The following TENM1 variants were observed in gnomAD, a reference collection of about 807,000 sequenced individuals.
TENM1 encodes teneurin-1.
A neutral mutation model predicts 174.8 loss-of-function variants in TENM1; 35 were observed. The ratio of observed to expected loss-of-function variants is 0.20; its 90% CI spans 0.15 to 0.27. The LOEUF (loss-of-function observed/expected upper bound fraction) is 0.27, where lower values mean the gene tolerates loss of function less well. Among genes scored for constraint, TENM1 ranks in the 10% least tolerant of loss-of-function variants. TENM1 has a pLI of 1.00. For missense variants in TENM1, 1,633 were observed against 2,130.1 expected (o/e 0.77, Z 4.59); for synonymous variants, 781 against 798.7 (o/e 0.98, Z 0.37).
At chrX:124,506,159 T>G (rs762818539) in intron 18 of TENM1, among the ~76,000 whole-genome samples, 1 of 111,998 alleles carries the variant, frequency 8.9e-6, no homozygotes, top group South Asian at 3.7e-4. Flanking sequence ...TTCTGTACAT[T>G]GTAAGTCTGG....
intron 11 of TENM1, among the ~76,000 whole-genome samples, chrX:124,597,711 C>A (rs1050703218): frequency 6.3e-5 from 7 of 111,305 alleles, no homozygotes; most frequent in African/African-American, 2.3e-4. Context: ...CTATCTCTCA[C>A]CATGTACAAA....
chrX:124,915,603 A>G (rs1254147792), intron 1 of TENM1, among the ~76,000 whole-genome samples: 1 of 112,534 alleles, frequency 8.9e-6, no homozygotes, highest in Non-Finnish European at 1.9e-5. Context: ...TATCCAAAAA[A>G]CTTTGCACAC....
intron 11 of TENM1, among the ~76,000 whole-genome samples, chrX:124,571,291 T>C (rs936269791): frequency 6.2e-5 from 7 of 112,187 alleles, no homozygotes; most frequent in Non-Finnish European, 3.8e-5. Flanking sequence ...GAATTAGAAA[T>C]TGAGTAACAA....
At chrX:124,517,556 G>A (rs961483430) in intron 18 of TENM1, among the ~76,000 whole-genome samples, 4 of 105,372 alleles carry the variant, frequency 3.8e-5, no homozygotes, top group African/African-American at 1.4e-4. Flanking sequence ...GCAAACTATC[G>A]CAAGGACAAA....
chrX:124,656,481 A>G (rs950019360), intron 6 of TENM1, among the ~76,000 whole-genome samples: 2 of 112,508 alleles, frequency 1.8e-5, no homozygotes, highest in African/African-American at 6.5e-5. Flanking sequence ...CAGAGATGAC[A>G]ACATACGAAT....
intron 1 of TENM1, among the ~76,000 whole-genome samples, chrX:124,924,731 A>G (rs1324920621): frequency 9.0e-6 from 1 of 111,677 alleles, no homozygotes; most frequent in Non-Finnish European, 1.9e-5. Flanking sequence ...TGAAAATTTA[A>G]CCAAAGAAAT....
intron 25 of TENM1, among the ~76,000 whole-genome samples, chrX:124,415,447 C>T (rs1450352931): frequency 1.8e-5 from 2 of 111,379 alleles, no homozygotes; most frequent in African/African-American, 6.5e-5. Context: ...GCTACCTATT[C>T]CTCTTTTACT....
At chrX:125,144,888 C>T in the TENM1 span, among the ~76,000 whole-genome samples, 1 of 110,477 alleles carries the variant, frequency 9.1e-6, no homozygotes, top group East Asian at 2.8e-4. Flanking sequence ...CAGGCATCCC[C>T]TCCCCCACCA....
At chrX:124,831,495 G>C (rs960573229) in intron 3 of TENM1, among the ~76,000 whole-genome samples, 1 of 112,037 alleles carries the variant, frequency 8.9e-6, no homozygotes. Flanking sequence ...TGTTATGTAA[G>C]GAAATTCACT....
the TENM1 span, among the ~76,000 whole-genome samples, chrX:125,081,545 C>T: frequency 1.8e-5 from 2 of 111,091 alleles, no homozygotes; most frequent in African/African-American, 6.5e-5. Flanking sequence ...CTCTTTCCCT[C>T]CTATCTCACA....
intron 23 of TENM1, among the ~76,000 whole-genome samples, chrX:124,441,121 A>G (rs1330996322): frequency 8.9e-6 from 1 of 111,800 alleles, no homozygotes; most frequent in Non-Finnish European, 1.9e-5. Context: ...CCCACTTTTT[A>G]TTGGTGGAGA....
At chrX:124,506,667 C>T (rs142087877) in intron 18 of TENM1, among the ~76,000 whole-genome samples, 1 of 111,116 alleles carries the variant, frequency 9.0e-6, no homozygotes, top group East Asian at 2.9e-4. Context: ...GCTCCTTGCT[C>T]AGGGTAACAA....
At chrX:124,973,759 G>A in the TENM1 span, among the ~76,000 whole-genome samples, 6 of 111,142 alleles carry the variant, frequency 5.4e-5, no homozygotes, top group African/African-American at 1.6e-4. Flanking sequence ...ATCCTGAGAC[G>A]TTGCTGAAGT....
intron 3 of TENM1, among the ~76,000 whole-genome samples, chrX:124,892,083 T>C (rs1264606113): frequency 1.8e-5 from 2 of 111,631 alleles, no homozygotes; most frequent in African/African-American, 3.3e-5. Flanking sequence ...AAAAATGACA[T>C]AGAATAAAGC....
At chrX:125,177,197 C>T in the TENM1 span, among the ~76,000 whole-genome samples, 22 of 112,241 alleles carry the variant, frequency 2.0e-4, no homozygotes, top group African/African-American at 6.8e-4. Context: ...AACCAGTGAT[C>T]TATTACACAC....
the TENM1 span, among the ~76,000 whole-genome samples, chrX:125,123,729 A>G: frequency 1.8e-5 from 2 of 112,731 alleles, no homozygotes; most frequent in African/African-American, 3.2e-5. Flanking sequence ...AAACAACATT[A>G]ATAAACACAA....
At position 124,940,970 on chromosome X, in the gene TENM1, G is replaced by T. The variant is rs372425015; in HGVS notation, c.217+22567C>A. Among the ~76,000 whole-genome samples, 6 of 111,175 alleles carry T rather than the reference G, an allele frequency of 5.4e-5. No individual in the cohort carries two copies. The East Asian group carries it at 1.4e-3, about 26-fold the overall frequency. On this transcript the variant is annotated intron_variant, in intron 1 of 31. Coordinates refer to ENST00000422452, the Ensembl canonical transcript of TENM1. ...TTTATTCATTGCCACTGTGGGAGGG[G>T]CAGGACTAGGTTAATGTACATGCTT... is the stretch of plus-strand genomic sequence containing the variant.
At chrX:124,660,115 A>C (rs1343568805) in intron 6 of TENM1, among the ~76,000 whole-genome samples, 1 of 111,531 alleles carries the variant, frequency 9.0e-6, no homozygotes, top group Non-Finnish European at 1.9e-5. Flanking sequence ...ACAAAGAAAA[A>C]AATACATAAA....
At chrX:124,585,911 C>A (rs1453522650) in intron 11 of TENM1, among the ~76,000 whole-genome samples, 1 of 111,040 alleles carries the variant, frequency 9.0e-6, no homozygotes, top group Non-Finnish European at 1.9e-5. Context: ...ACAGATACCT[C>A]TACACAAATA....
Sources: allele counts gnomAD v4.1 joint callset (sites outside exome capture counted in the v4.1 genomes callset), GRCh38; gene constraint gnomAD v4.1.1; transcripts MANE v1.5; gene names NCBI Gene and HGNC (gene_info 2026-07-23, HGNC 2026-07-21).